The following GAS7 variants were observed in gnomAD, a reference collection of about 807,000 sequenced individuals.
GAS7 encodes the protein growth arrest specific 7.
A neutral mutation model predicts 71.1 loss-of-function variants in GAS7; 28 were observed. The ratio of observed to expected loss-of-function variants is 0.39; its 90% confidence interval spans 0.29 to 0.54. The LOEUF (loss-of-function observed/expected upper bound fraction) is 0.54. Among genes scored for constraint, GAS7 ranks in the 20% least tolerant of loss-of-function variants. The pLI is 0.62. For missense variants in GAS7, 436 were observed against 627.8 expected (o/e 0.69, Z 3.27); for synonymous variants, 258 against 245.8 (o/e 1.05, Z -0.46).
intron 1 of GAS7, among the ~76,000 whole-genome samples, chr17:10,173,506 C>T (rs987548188): frequency 2.6e-5 from 4 of 151,248 alleles, no homozygotes; most frequent in South Asian, 2.1e-4. Context: ...CGGTGGCTCA[C>T]GCCTATAATT....
chr17:10,025,128 T>G (rs1012790533), intron 1 of GAS7, among the ~76,000 whole-genome samples: 1 of 152,152 alleles, frequency 6.6e-6, no homozygotes, highest in African/African-American at 2.4e-5. Context: ...GCTGGCGAGA[T>G]GCAGTGACTC....
At position 9,959,045 on chromosome 17, in the gene GAS7, G is replaced by A. The variant is rs1368259483; in HGVS notation, c.525+157C>T. 8.2e-6 allele frequency: 11 copies of A among 1,333,642 alleles called. No individual in the cohort carries two copies. The highest frequency in any genetic ancestry group is 1.1e-5 in the Non-Finnish European group (11 of 1,005,188). The allele number at this position is 1,333,642 out of a possible 1,614,324, so 82.6% of individuals were successfully genotyped here. ...GGAGAAGGGGAGGTGGGAGGGGCAT[G>A]TGGATGGGGAACTTGAGTGAAATCC... On this transcript the variant is annotated intron_variant, in intron 5 of 13. Transcript: ENST00000432992. This position sits in a 1 kb window ranked among gnomAD's most constrained non-coding sequence, Gnocchi z 5.0.
At chr17:10,011,719 G>A (rs1401565196) in intron 2 of GAS7, among the ~76,000 whole-genome samples, 1 of 152,198 alleles carries the variant, frequency 6.6e-6, no homozygotes, top group African/African-American at 2.4e-5. Context: ...GCTCATGCCT[G>A]TAATCCCAGC....
intron 8 of GAS7, among the ~76,000 whole-genome samples, chr17:9,939,530 G>A (rs1042150661): frequency 2.6e-5 from 4 of 152,142 alleles, no homozygotes; most frequent in African/African-American, 9.7e-5. Context: ...CAGCTACCAG[G>A]GGTCAGACCA....
chr17:10,020,934 A>G (rs1228224818), intron 1 of GAS7, among the ~76,000 whole-genome samples: 3 of 152,074 alleles, frequency 2.0e-5, no homozygotes, highest in Admixed American at 2.0e-4. Context: ...ACAAAAATAT[A>G]AAAACAAACA....
intron 4 of GAS7, among the ~76,000 whole-genome samples, chr17:9,962,691 G>A (rs773352372): frequency 2.0e-5 from 3 of 152,230 alleles, no homozygotes; most frequent in Non-Finnish European, 4.4e-5. Context: ...CAAGGATGCT[G>A]AAAGCAGGGG....
chr17:9,957,828 C>T (rs2069310586), intron 5 of GAS7, among the ~76,000 whole-genome samples: 1 of 152,134 alleles, frequency 6.6e-6, no homozygotes, highest in African/African-American at 2.4e-5. Context: ...AGACACCGTC[C>T]ATCAGCACAG....
chr17:10,053,806 G>A (rs1031121117), intron 1 of GAS7, among the ~76,000 whole-genome samples: 7 of 152,140 alleles, frequency 4.6e-5, no homozygotes, highest in Non-Finnish European at 8.8e-5. Flanking sequence ...TCTCCCCCAT[G>A]GGTCTTAAAA....
chr17:10,055,065 C>T (rs898361839), intron 1 of GAS7, among the ~76,000 whole-genome samples: 2 of 152,186 alleles, frequency 1.3e-5, no homozygotes, highest in African/African-American at 2.4e-5. Flanking sequence ...CGACACCACA[C>T]ATCAAGCAGG....
intron 1 of GAS7, among the ~76,000 whole-genome samples, chr17:10,031,815 G>C (rs957271280): frequency 1.3e-5 from 2 of 152,268 alleles, no homozygotes; most frequent in African/African-American, 4.8e-5. Flanking sequence ...CATACGGCAT[G>C]ATGGGGATCT....
rs1042458603 is a variant in GAS7, at chr17:10,055,973, G to A, written c.184-36076C>T. On this transcript the variant is annotated intron_variant, in intron 1 of 13. Transcript: ENST00000432992. ...TCCTTCATGATACTTTCTTTGACCCGCCAGGTAGAAGTGAATTATCCCCAA... is the reference window on the plus strand; with the variant it reads ...TCCTTCATGATACTTTCTTTGACCCACCAGGTAGAAGTGAATTATCCCCAA... Among the ~76,000 whole-genome samples, 7 of 151,978 alleles carry A rather than the reference G, an allele frequency of 4.6e-5. 1 individual carries two copies. The highest frequency in any genetic ancestry group is 1.5e-4 in the African/African-American group (6 of 41,348).
At chr17:9,928,574 G>A (rs919076341) in intron 9 of GAS7, among the ~76,000 whole-genome samples, 1 of 152,006 alleles carries the variant, frequency 6.6e-6, no homozygotes, top group African/African-American at 2.4e-5. Context: ...TGCCTCCACC[G>A]GTCTTAGAGG....
In GAS7 at chr17:9,982,815, GGAAAGAAAGGAAAGAAAGAAA is replaced by G. The variant is rs1437035695; in HGVS notation, c.305-952_305-932del. Among the ~76,000 whole-genome samples, 8 of 74,278 alleles carry G rather than the reference GGAAAGAAAGGAAAGAAAGAAA, an allele frequency of 1.1e-4. No individual in the cohort carries two copies. The South Asian group carries it at 1.1e-3, about 10-fold the overall frequency. The allele number at this position is 74,278 out of a possible 152,430, so 48.7% of individuals were successfully genotyped here. ...AAAGAAAGGAAAGAAAGGAAAGAAA[GGAAAGAAAGGAAAGAAAGAAA>G]GAAAGAAAGAAAGAAAGAAAGAAAG... On this transcript the variant is annotated intron_variant, in intron 2 of 13. Transcript: ENST00000432992.
intron 1 of GAS7, among the ~76,000 whole-genome samples, chr17:10,160,656 A>T (rs1484040609): frequency 6.6e-6 from 1 of 152,188 alleles, no homozygotes; most frequent in Admixed American, 6.5e-5. Flanking sequence ...GGTGCGCAAT[A>T]TGACATTTTC....
chr17:9,981,759 C>T lies in GAS7; in HGVS notation c.385+45G>A, dbSNP rs755767251. 3 of 1,038,052 alleles carry T rather than the reference C, an allele frequency of 2.9e-6. No individual in the cohort carries two copies. Among genetic ancestry groups the T allele is most frequent in the African/African-American group, 1.6e-5 (1 of 64,140 alleles). 64.3% of individuals were successfully genotyped at this position (1,038,052 alleles called of 1,614,324 possible). A position where few individuals can be genotyped will look rare whatever the true frequency, so the allele number is the denominator to read the frequency against. Reference sequence around the variant, plus strand: ...ATCTCAGCCTCTCCACTGAATGTGGCATCAGGGCCCTCCCAGTTGCCCCAA... The same window carrying T: ...ATCTCAGCCTCTCCACTGAATGTGGTATCAGGGCCCTCCCAGTTGCCCCAA... On this transcript the variant is annotated intron_variant, in intron 3 of 13. Coordinates refer to ENST00000432992, the MANE Select transcript of GAS7 (RefSeq NM_201433.2). This position sits in a 1 kb window ranked among gnomAD's most constrained non-coding sequence, Gnocchi z 4.4.
At chr17:10,019,965 CA>C in intron 1 of GAS7, 68 bp from the exon 2 acceptor site, 1 of 1,503,432 alleles carries the variant, frequency 6.7e-7, no homozygotes, top group South Asian at 1.2e-5. Flanking sequence ...ACCAGGAAGG[CA>C]AAGGCTGATG....
intron 1 of GAS7, among the ~76,000 whole-genome samples, chr17:10,047,217 A>T (rs1278734808): frequency 6.6e-6 from 1 of 152,224 alleles, no homozygotes; most frequent in Non-Finnish European, 1.5e-5. Context: ...GGCCAAGCCC[A>T]GCCAATGCCC....
intron 1 of GAS7, among the ~76,000 whole-genome samples, chr17:10,126,633 C>T (rs1049151231): frequency 2.0e-5 from 3 of 152,140 alleles, no homozygotes; most frequent in Non-Finnish European, 4.4e-5. Context: ...CACACACTCG[C>T]GCACACACAT....
intron 4 of GAS7, among the ~76,000 whole-genome samples, chr17:9,961,861 T>G (rs1352421128): frequency 1.3e-5 from 2 of 152,192 alleles, no homozygotes; most frequent in Non-Finnish European, 2.9e-5. Flanking sequence ...TCCTCTATCT[T>G]CCGCCATCTC....
Sources: gnomAD v4.1 joint callset for allele counts (sites outside exome capture counted in the v4.1 genomes callset) on GRCh38, gnomAD v4.1.1 for gene constraint, Gnocchi (gnomAD v3.1) non-coding constraint, MANE v1.5 for transcripts, NCBI Gene and HGNC (gene_info 2026-07-23, HGNC 2026-07-21) for gene names.